Variants in ADCY8 observed in about 807,000 individuals in gnomAD.
ADCY8 encodes the protein adenylate cyclase type 8.
Under a neutral mutation model 119.7 loss-of-function variants are expected in ADCY8, and 51 were observed. That is an observed-to-expected ratio of 0.43 (90% CI 0.34 to 0.54). The LOEUF is 0.54. Among genes scored for constraint, ADCY8 ranks in the 20% least tolerant of loss-of-function variants. The probability of loss-of-function intolerance (pLI) is 0.03; values close to 1 mark genes in which losing one functional copy is unlikely to be tolerated. For synonymous variants in ADCY8, 665 were observed against 651.0 expected, an observed-to-expected ratio of 1.02 and a Z score of -0.33; for missense variants, 1,383 against 1,598.8, an observed-to-expected ratio of 0.87 and a Z score of 2.30.
chr8:130,958,120 C>T (rs975885574), intron 2 of ADCY8, among the ~76,000 whole-genome samples: 7 of 152,146 alleles, frequency 4.6e-5, no homozygotes, highest in Non-Finnish European at 1.0e-4. Context: ...TGGGTTACGA[C>T]ATGTGGGAAA....
intron 7 of ADCY8, among the ~76,000 whole-genome samples, chr8:130,899,560 C>G (rs570247214): frequency 2.0e-5 from 3 of 151,650 alleles, no homozygotes; most frequent in African/African-American, 7.3e-5. Flanking sequence ...GAGCCGAGAT[C>G]GTGCCATTGC....
At chr8:130,786,874 G>A (rs1759602509) in intron 15 of ADCY8, among the ~76,000 whole-genome samples, 1 of 152,078 alleles carries the variant, frequency 6.6e-6, no homozygotes, top group African/African-American at 2.4e-5. Context: ...GTGAGGAGGG[G>A]TTTTTCTAGC....
intron 1 of ADCY8, among the ~76,000 whole-genome samples, chr8:130,993,164 T>C (rs547618528): frequency 6.6e-6 from 1 of 152,286 alleles, no homozygotes; most frequent in Admixed American, 6.5e-5. Context: ...GTTGTATAAA[T>C]GCCAGACTAA....
At chr8:130,878,834 C>A (rs530138656) in intron 8 of ADCY8, among the ~76,000 whole-genome samples, 3 of 152,254 alleles carry the variant, frequency 2.0e-5, no homozygotes, top group East Asian at 1.9e-4. Flanking sequence ...AAGGAAGGAA[C>A]TTTAATCTTC....
chr8:130,888,503 A>G (rs966583400), intron 7 of ADCY8, among the ~76,000 whole-genome samples: 1 of 152,058 alleles, frequency 6.6e-6, no homozygotes, highest in African/African-American at 2.4e-5. Flanking sequence ...TCCCAAAATG[A>G]TGTTGAATTC....
intron 12 of ADCY8, among the ~76,000 whole-genome samples, chr8:130,824,545 C>A (rs879607224): frequency 6.6e-6 from 1 of 152,174 alleles, no homozygotes; most frequent in Non-Finnish European, 1.5e-5. Context: ...TATGAACCTG[C>A]AGGGCCTAGT....
At chr8:130,947,282 G>C (rs1057347707) in intron 3 of ADCY8, among the ~76,000 whole-genome samples, 2 of 152,128 alleles carry the variant, frequency 1.3e-5, no homozygotes, top group African/African-American at 4.8e-5. Flanking sequence ...GATGTGTTCG[G>C]TGTTCCAATA....
At chr8:131,028,757 T>G (rs1348265141) in intron 1 of ADCY8, among the ~76,000 whole-genome samples, 1 of 152,166 alleles carries the variant, frequency 6.6e-6, no homozygotes, top group African/African-American at 2.4e-5. Flanking sequence ...CACCTATCCA[T>G]TTTTTACGCT....
chr8:131,012,162 A>C (rs1823327331), intron 1 of ADCY8, among the ~76,000 whole-genome samples: 2 of 151,930 alleles, frequency 1.3e-5, no homozygotes, highest in African/African-American at 4.8e-5. Flanking sequence ...CTAAACCATG[A>C]CTTTCACCTG....
At chr8:130,975,759 G>C (rs991933873) in intron 2 of ADCY8, among the ~76,000 whole-genome samples, 1 of 152,172 alleles carries the variant, frequency 6.6e-6, no homozygotes, top group African/African-American at 2.4e-5. Context: ...TATTGTCTAT[G>C]TAGCCATTAA....
In ADCY8 at chr8:130,783,805, G is replaced by T. The variant is rs1235296655; in HGVS notation, c.3154C>A (p.Gln1052Lys). 26 of 1,608,352 alleles carry T rather than the reference G, an allele frequency of 1.6e-5. No homozygotes were observed. The highest frequency in any genetic ancestry group is 2.1e-5 in the Non-Finnish European group (25 of 1,176,438). The change falls in exon 17 of 18, where the codon CAA becomes AAA. Residue 1052 changes from glutamine (Q) to lysine (K), a missense_variant and splice_region_variant. Gln to Lys is a moderately conservative substitution (Grantham distance 53). Around this residue, in one of 2 missense-constraint regions of ADCY8, gnomAD observed 928 missense variants for 1,163.5 expected, o/e 0.80. Transcript: ENST00000286355. ...AAATGTCCCCACTTGTCTTCACATT[G>T]CTGAAGCAAACATGAGGAGAAGAAA... is the stretch of plus-strand genomic sequence containing the variant. ...AVSGLSPEKQ[Q>K]CEDKWGHLCA...
At position 130,780,595 on chromosome 8, in the gene ADCY8, C is replaced by A. The variant is rs763475275; in HGVS notation, c.3551G>T (p.Arg1184Ile). The stretch of plus-strand genomic sequence containing the variant: ...CAGGGAGTACTGCCCAGGCAGTCTT[C>A]TTGGGGGCAAGATGAATGGGTTGGG... ...VQPNPFILPP[R>I]RLPGQYSLAA... The change falls in exon 18 of 18, where the codon AGA becomes ATA. Residue 1184 changes from arginine to isoleucine, a missense_variant. Around this residue, in one of 2 missense-constraint regions of ADCY8, gnomAD observed 928 missense variants for 1,163.5 expected, o/e 0.80. Coordinates refer to ENST00000286355, the MANE Select transcript of ADCY8 (RefSeq NM_001115.3). 6.2e-7 allele frequency: 1 copy of A among 1,614,204 alleles called. No individual in the cohort carries two copies.
At chr8:130,874,354 T>TAAATAAA (rs1300412408) in intron 8 of ADCY8, among the ~76,000 whole-genome samples, 2 of 135,962 alleles carry the variant, frequency 1.5e-5, no homozygotes, top group South Asian at 4.6e-4. Context: ...AATAAATAAA[T>TAAATAAA]AAAATACACC....
chr8:130,839,176 GC>G (rs1817070580), intron 11 of ADCY8, among the ~76,000 whole-genome samples: 1 of 139,168 alleles, frequency 7.2e-6, no homozygotes. Flanking sequence ...TGAAGGTGTT[GC>G]CCTCCTCCTT....
chr8:130,925,882 A>T (rs1820451275), intron 5 of ADCY8, among the ~76,000 whole-genome samples: 1 of 152,150 alleles, frequency 6.6e-6, no homozygotes, highest in Non-Finnish European at 1.5e-5. Context: ...CCCCTGGATT[A>T]GTATGAGAAT....
intron 5 of ADCY8, among the ~76,000 whole-genome samples, chr8:130,922,037 A>G (rs1447764431): frequency 6.6e-6 from 1 of 151,970 alleles, no homozygotes; most frequent in Non-Finnish European, 1.5e-5. Context: ...TAATAAGGAG[A>G]GGAAGAGGCT....
chr8:130,863,715 T>A (rs1236194312), intron 9 of ADCY8, among the ~76,000 whole-genome samples: 1 of 152,168 alleles, frequency 6.6e-6, no homozygotes, highest in African/African-American at 2.4e-5. Context: ...TACCACTTCA[T>A]GTATAATGCA....
At chr8:131,031,254 C>G (rs1327062007) in intron 1 of ADCY8, among the ~76,000 whole-genome samples, 3 of 152,208 alleles carry the variant, frequency 2.0e-5, no homozygotes, top group Non-Finnish European at 2.9e-5. Context: ...CAAAAAGCAG[C>G]TCCCTGGGCA....
intron 5 of ADCY8, among the ~76,000 whole-genome samples, chr8:130,923,231 A>G (rs1385841097): frequency 6.6e-6 from 1 of 152,110 alleles, no homozygotes; most frequent in East Asian, 1.9e-4. Flanking sequence ...GAGAGAAAAG[A>G]AAAGAGGGAG....
Sources: allele counts gnomAD v4.1 joint callset (sites outside exome capture counted in the v4.1 genomes callset), GRCh38; gene constraint gnomAD v4.1.1; regional missense constraint gnomAD v4.1.1; transcripts MANE v1.5; gene names NCBI Gene and HGNC (gene_info 2026-07-23, HGNC 2026-07-21).